The following SLC8A1 variants were observed in gnomAD, a reference collection of about 807,000 sequenced individuals.
SLC8A1 encodes the protein solute carrier family 8 member A1, also known as sodium/calcium exchanger 1.
A neutral mutation model predicts 68.3 loss-of-function variants in SLC8A1; 18 were observed. That is an observed-to-expected ratio of 0.26 (90% confidence interval 0.18 to 0.39). The LOEUF is 0.39. SLC8A1 is among the 10% of genes least tolerant of loss of function. The probability of loss-of-function intolerance (pLI) is 1.00; values close to 1 mark genes in which losing one functional copy is unlikely to be tolerated. For synonymous variants in SLC8A1, 475 were observed against 415.5 expected (o/e 1.14, Z -1.74); for missense variants, 985 against 1,156.7 (o/e 0.85, Z 2.15).
At chr2:40,213,236 C>T (rs1442578668) in intron 2 of SLC8A1, 1 of 152,090 alleles carries the variant, frequency 6.6e-6, no homozygotes, top group Non-Finnish European at 1.5e-5. Context: ...CACCGAGTGA[C>T]CCAGGAATGA....
chr2:40,246,844 G>T lies in SLC8A1; in HGVS notation c.1809-68989C>A, dbSNP rs973891416. ...AGAGGAATTTTTTTTATTTAAGTCT[G>T]TCATTTTAAAGGAAAATGGTTAGAT... On this transcript the variant is annotated intron_variant, in intron 2 of 7. Coordinates refer to ENST00000406785, the Ensembl canonical transcript of SLC8A1. 3.3e-5 allele frequency among the ~76,000 whole-genome samples: 5 copies of T among 151,988 alleles called. No homozygotes were observed. The East Asian group carries it at 7.7e-4, about 23-fold the overall frequency.
chr2:40,343,381 C>T (rs74569848), intron 2 of SLC8A1, among the ~76,000 whole-genome samples: 77 of 152,246 alleles, frequency 5.1e-4, no homozygotes, highest in Middle Eastern at 3.4e-3. Flanking sequence ...CTGGATTAAT[C>T]ATCTCTGAAG....
chr2:40,178,554 A>G (rs2048890794), intron 2 of SLC8A1, 61 bp from the exon 3 acceptor site: 4 of 1,412,922 alleles, frequency 2.8e-6, no homozygotes, highest in African/African-American at 1.4e-5. Flanking sequence ...GAAGGAACAT[A>G]GAGAAGAGGA....
intron 2 of SLC8A1, among the ~76,000 whole-genome samples, chr2:40,386,321 A>C (rs191119814): frequency 6.6e-6 from 1 of 150,626 alleles, no homozygotes. Flanking sequence ...CAAATGGTAA[A>C]TGTGTGTGTG....
intron 2 of SLC8A1, among the ~76,000 whole-genome samples, chr2:40,420,654 G>A (rs1428836768): frequency 6.6e-6 from 1 of 152,180 alleles, no homozygotes; most frequent in Non-Finnish European, 1.5e-5. Flanking sequence ...GGTTAATGGA[G>A]AGTGGGGCAC....
intron 1 of SLC8A1, among the ~76,000 whole-genome samples, chr2:40,448,460 T>C (rs552623802): frequency 1.3e-5 from 2 of 152,300 alleles, no homozygotes; most frequent in Admixed American, 1.3e-4. Flanking sequence ...AAACACCTGA[T>C]ATTTATTTCC....
At chr2:40,371,243 G>A (rs1413921268) in intron 2 of SLC8A1, among the ~76,000 whole-genome samples, 1 of 152,042 alleles carries the variant, frequency 6.6e-6, no homozygotes, top group Non-Finnish European at 1.5e-5. Flanking sequence ...CAGTGTAGGG[G>A]TTAAGATTTT....
intron 6 of SLC8A1, among the ~76,000 whole-genome samples, 164 bp downstream of exon 9, chr2:40,160,601 A>G (rs1422600347): frequency 1.3e-5 from 2 of 152,206 alleles, no homozygotes; most frequent in African/African-American, 2.4e-5. Context: ...TAGATAGTCA[A>G]TTTAGTCTTT....
intron 2 of SLC8A1, among the ~76,000 whole-genome samples, chr2:40,283,671 G>C (rs1378593423): frequency 6.6e-6 from 1 of 152,180 alleles, no homozygotes; most frequent in Non-Finnish European, 1.5e-5. Context: ...ATCAAAGTCA[G>C]AGCTCCATGC....
chr2:40,213,897 G>T (rs190541914), intron 2 of SLC8A1, among the ~76,000 whole-genome samples: 1 of 152,256 alleles, frequency 6.6e-6, no homozygotes, highest in Admixed American at 6.5e-5. Flanking sequence ...AGAGACTTCA[G>T]GGCAATAATC....
chr2:40,368,305 C>T (rs115564391), intron 2 of SLC8A1, among the ~76,000 whole-genome samples: 4,175 of 151,972 alleles, frequency 0.027, 80 homozygotes, highest in Non-Finnish European at 0.041. Flanking sequence ...AAAGATTTTC[C>T]CAACGCTTTT....
chr2:40,194,469 A>G (rs908660248), intron 2 of SLC8A1, among the ~76,000 whole-genome samples: 2 of 137,328 alleles, frequency 1.5e-5, no homozygotes, highest in East Asian at 2.3e-4. Flanking sequence ...TCAGTAAGCA[A>G]TGTGTGTGTG....
At chr2:40,296,222 C>G (rs1032486133) in intron 2 of SLC8A1, among the ~76,000 whole-genome samples, 1 of 152,116 alleles carries the variant, frequency 6.6e-6, no homozygotes, top group Non-Finnish European at 1.5e-5. Context: ...AGAAAAAATA[C>G]ATGCTAGAAA....
At chr2:40,307,158 CACACACACACACAAACACAT>C (rs2072791448) in intron 2 of SLC8A1, among the ~76,000 whole-genome samples, 3 of 151,212 alleles carry the variant, frequency 2.0e-5, no homozygotes, top group Non-Finnish European at 4.4e-5. Flanking sequence ...CACACACACA[CACACACACACACAAACACAT>C]ACACACACAC....
chr2:40,126,161 T>G (rs1159272575), intron 7 of SLC8A1, among the ~76,000 whole-genome samples: 1 of 152,160 alleles, frequency 6.6e-6, no homozygotes, highest in African/African-American at 2.4e-5. Flanking sequence ...CTTCATCAGT[T>G]TGCCAGATAA....
intron 2 of SLC8A1, among the ~76,000 whole-genome samples, chr2:40,186,961 T>C (rs769792519): frequency 1.3e-5 from 2 of 152,218 alleles, no homozygotes; most frequent in African/African-American, 4.8e-5. Context: ...GCTAATGAAA[T>C]GTTAGGTACT....
chr2:40,237,407 G>C (rs1204858945), intron 2 of SLC8A1, among the ~76,000 whole-genome samples: 1 of 152,032 alleles, frequency 6.6e-6, no homozygotes. Flanking sequence ...CAGCTCCTGA[G>C]GCTTCTGCAT....
chr2:40,499,640 G>A (rs923768268), intron 1 of SLC8A1, among the ~76,000 whole-genome samples: 2 of 152,036 alleles, frequency 1.3e-5, no homozygotes, highest in African/African-American at 4.8e-5. Context: ...AGTTTATGGG[G>A]GGAGCCAACT....
At chr2:40,402,812 C>T (rs1474373149) in intron 2 of SLC8A1, among the ~76,000 whole-genome samples, 1 of 152,188 alleles carries the variant, frequency 6.6e-6, no homozygotes, top group Non-Finnish European at 1.5e-5. Context: ...TTCAACTACT[C>T]AACTTGACTA....
Sources: allele counts gnomAD v4.1 joint callset (sites outside exome capture counted in the v4.1 genomes callset), GRCh38; gene constraint gnomAD v4.1.1; transcripts MANE v1.5; gene names NCBI Gene and HGNC (gene_info 2026-07-23, HGNC 2026-07-21).